NUP133: variants seen among roughly 807,000 people sequenced by gnomAD.
NUP133 encodes nuclear pore complex protein Nup133.
NUP133 carries 66 observed loss-of-function variants against 146.2 expected under a neutral mutation model. The ratio of observed to expected loss-of-function variants is 0.45; its 90% CI spans 0.37 to 0.55. The LOEUF is 0.55. Among genes scored for constraint, NUP133 ranks in the 20% least tolerant of loss-of-function variants. The probability of loss-of-function intolerance (pLI) is 0.00; values close to 1 mark genes in which losing one functional copy is unlikely to be tolerated. For missense variants in NUP133, 1,277 were observed against 1,374.8 expected, an observed-to-expected ratio of 0.93 and a Z score of 1.12; for synonymous variants, 521 against 498.8, an observed-to-expected ratio of 1.04 and a Z score of -0.59.
intron 8 of NUP133, among the ~76,000 whole-genome samples, chr1:229,490,571 G>A (rs901416346): frequency 4.6e-5 from 7 of 152,152 alleles, no homozygotes; most frequent in African/African-American, 1.2e-4. Flanking sequence ...GAGGATGGAG[G>A]GGTCGATTAC....
In NUP133 at chr1:229,508,086, C is replaced by G. The variant is rs749908782; in HGVS notation, c.164G>C (p.Arg55Pro). The G allele has an allele frequency of 2.0e-6, 3 of 1,503,794 alleles. No individual in the cohort carries two copies. The South Asian group carries it at 3.8e-5, about 19-fold the overall frequency. The allele number at this position is 1,503,794 out of a possible 1,614,324, so 93.2% of individuals were successfully genotyped here. A position where few individuals can be genotyped will look rare whatever the true frequency, so the allele number is the denominator to read the frequency against. Reference sequence around the variant, plus strand: ...CACTTACCGCGAGCTTAGCGAGCTACGCCGGCCGACCGGCGAGAAGAGCAC... The same window carrying G: ...CACTTACCGCGAGCTTAGCGAGCTAGGCCGGCCGACCGGCGAGAAGAGCAC... ...SPVLFSPVGR[R>P]SSLSSRGTPT... Residue 55 changes from arginine to proline, a missense_variant, in exon 1 of 26, where the codon CGT becomes CCT. Physicochemically the swap from Arg to Pro is moderately radical, Grantham distance 103. This residue lies in a region of NUP133 where 319 missense variants were observed against 306.9 expected (regional missense o/e 1.04). Coordinates refer to ENST00000261396, the MANE Select transcript of NUP133 (RefSeq NM_018230.3).
At chr1:229,449,875 T>TA (rs1558088585) in intron 23 of NUP133, among the ~76,000 whole-genome samples, 1,391 of 63,796 alleles carry the variant, frequency 0.022, 85 homozygotes, top group Admixed American at 0.15. Flanking sequence ...ATATATATAT[T>TA]TTTTTTTTTT....
Position 229,470,625 on chromosome 1 carries a change from A to G in NUP133, c.2031T>C (p.Tyr677=), listed in dbSNP as rs755479809. The change falls in exon 15 of 26, where the codon TAT becomes TAC. Residue 677 remains tyrosine (Y), a synonymous_variant. Transcript: ENST00000261396. ...AILIALNKRE[Y]EIPSNLTPAD... ...CAGGAGTCAGGTTGGATGGGATTTC[A>G]TACTCCCTCTTGTTCAAAGCAATCA... 5 of 1,614,082 alleles carry G rather than the reference A, an allele frequency of 3.1e-6. No homozygotes were observed. The Admixed American group carries it at 6.7e-5, about 22-fold the overall frequency.
chr1:229,486,566 A>C, intron 10 of NUP133, 38 bp from the exon 11 acceptor site: 1 of 1,569,428 alleles, frequency 6.4e-7, no homozygotes, highest in South Asian at 1.2e-5. Flanking sequence ...ACATCTAACA[A>C]TAACAACAAA....
At chr1:229,488,162 AAAATT>A (rs1661408969) in intron 9 of NUP133, among the ~76,000 whole-genome samples, 1 of 152,170 alleles carries the variant, frequency 6.6e-6, no homozygotes, top group African/African-American at 2.4e-5. Flanking sequence ...GTTAATTTCC[AAAATT>A]AACAAATTTG....
At chr1:229,442,201 C>T (rs1180308029) in intron 25 of NUP133, among the ~76,000 whole-genome samples, 161 bp from the exon 26 acceptor site, 1 of 152,240 alleles carries the variant, frequency 6.6e-6, no homozygotes, top group Non-Finnish European at 1.5e-5. Flanking sequence ...GTCAAACATA[C>T]TTTCAAGTCT....
intron 21 of NUP133, among the ~76,000 whole-genome samples, chr1:229,454,233 C>T (rs116549052): frequency 6.6e-6 from 1 of 152,300 alleles, no homozygotes; most frequent in African/African-American, 2.4e-5. Flanking sequence ...CTCCAGGTTG[C>T]AGCCCATGAC....
Position 229,440,476 on chromosome 1 carries a change from TC to T in NUP133, c.*1427del, listed in dbSNP as rs1427971411. 1.3e-5 allele frequency: 2 copies of T among 152,168 alleles called. No individual in the cohort carries two copies. The highest frequency in any genetic ancestry group is 4.8e-5 in the African/African-American group (2 of 41,410). 9.4% of individuals were successfully genotyped at this position (152,168 alleles called of 1,614,324 possible). On this transcript the variant is annotated 3_prime_UTR_variant, in exon 26 of 26. Transcript: ENST00000261396. ...TCAGATGGGCTTTCCTGCGGTACTG[TC>T]CCATACACCAGGGATCACCAGGTTT...
At chr1:229,498,530 G>A (rs886679280) in intron 5 of NUP133, among the ~76,000 whole-genome samples, 1 of 152,124 alleles carries the variant, frequency 6.6e-6, no homozygotes, top group Non-Finnish European at 1.5e-5. Flanking sequence ...GGCCAGGCAT[G>A]GTGGCTCACA....
intron 5 of NUP133, among the ~76,000 whole-genome samples, chr1:229,499,428 C>T (rs113227773): frequency 3.9e-5 from 6 of 152,186 alleles, no homozygotes; most frequent in African/African-American, 1.2e-4. Context: ...GATCCCTCCC[C>T]GGCCTCTATA....
rs188472198 is a variant in NUP133, at chr1:229,477,816, C to T, written c.1593-56G>A. 1.7e-4 allele frequency: 232 copies of T among 1,389,374 alleles called. 2 individuals are homozygous for T. The Middle Eastern group carries it at 4.6e-3, about 27-fold the overall frequency. 86.1% of individuals were successfully genotyped at this position (1,389,374 alleles called of 1,614,324 possible). ...AGGGAGGCAAAATATTTTCAAAACT[C>T]ACCAAGAAAAAATTAATTATGGACT... On this transcript the variant is annotated intron_variant, in intron 12 of 25. Transcript: ENST00000261396.
At chr1:229,472,701 A>AATATATAT (rs762131305) in intron 14 of NUP133, among the ~76,000 whole-genome samples, 28 of 103,154 alleles carry the variant, frequency 2.7e-4, no homozygotes, top group African/African-American at 4.9e-4. Flanking sequence ...TAAAAAACTA[A>AATATATAT]ATATACATAT....
chr1:229,440,355 G>C lies in NUP133; in HGVS notation c.*1549C>G, dbSNP rs1182687168. On this transcript the variant is annotated 3_prime_UTR_variant, in exon 26 of 26. Transcript: ENST00000261396. ...AACTTAGAGAGAAACAGGATTAAAAGAGGGAGCTTTTTCTTCCCTTGAACA... is the reference window on the plus strand; with the variant it reads ...AACTTAGAGAGAAACAGGATTAAAACAGGGAGCTTTTTCTTCCCTTGAACA... The C allele has an allele frequency of 6.6e-6, 1 of 152,186 alleles. No homozygotes were observed. The highest frequency in any genetic ancestry group is 1.5e-5 in the Non-Finnish European group (1 of 68,040). The allele number at this position is 152,186 out of a possible 1,614,324, so 9.4% of individuals were successfully genotyped here.
chr1:229,496,987 G>GAGGA (rs1239189017), intron 6 of NUP133, among the ~76,000 whole-genome samples: 2 of 152,222 alleles, frequency 1.3e-5, no homozygotes, highest in Non-Finnish European at 2.9e-5. Context: ...TAGTCATGAA[G>GAGGA]AGGAGTGTTA....
chr1:229,444,865 C>A lies in NUP133; in HGVS notation c.3334+49G>T, dbSNP rs746639462. The A allele has an allele frequency of 6.1e-6, 8 of 1,316,636 alleles. No homozygotes were observed. In the African/African-American group the frequency reaches 1.0e-4, roughly 17 times the overall value. The allele number at this position is 1,316,636 out of a possible 1,614,324, so 81.6% of individuals were successfully genotyped here. On this transcript the variant is annotated intron_variant, in intron 25 of 25. Coordinates refer to ENST00000261396, the MANE Select transcript of NUP133 (RefSeq NM_018230.3). The stretch of plus-strand genomic sequence containing the variant: ...CCGTCTCAAAAAAAAACCCAAAAAA[C>A]TGAGGAATGACACTGTAATTTCCAA...
intron 19 of NUP133, 150 bp from the exon 20 acceptor site, chr1:229,460,919 A>G (rs1419457224): frequency 6.2e-6 from 4 of 649,600 alleles, no homozygotes; most frequent in Non-Finnish European, 1.0e-5. Context: ...TAATTCAATC[A>G]TCTCATTTGA....
chr1:229,445,147 A>C, intron 24 of NUP133, 145 bp from the exon 25 acceptor site: 1 of 632,768 alleles, frequency 1.6e-6, no homozygotes, highest in Non-Finnish European at 2.8e-6. Context: ...TCATTTAAAT[A>C]AAGGCACTTT....
At position 229,508,311 on chromosome 1, in the gene NUP133, G is replaced by A. The variant is rs554082791; in HGVS notation, c.-62C>T. The A allele has an allele frequency of 4.9e-5, 63 of 1,285,370 alleles. No individual in the cohort carries two copies. The African/African-American group carries it at 9.4e-4, about 19-fold the overall frequency. 79.6% of individuals were successfully genotyped at this position (1,285,370 alleles called of 1,614,324 possible). On this transcript the variant is annotated 5_prime_UTR_variant, in exon 1 of 26. Transcript: ENST00000261396. Reference sequence around the variant, plus strand: ...TGGCCGTCAGGTTGCAGCCTGGCCTGCGCGCGGAACTTAAACACCTAAGGG... The same window carrying A: ...TGGCCGTCAGGTTGCAGCCTGGCCTACGCGCGGAACTTAAACACCTAAGGG...
At chr1:229,452,698 C>G in intron 21 of NUP133, 55 bp from the exon 22 acceptor site, 1 of 1,393,792 alleles carries the variant, frequency 7.2e-7, no homozygotes, top group Non-Finnish European at 9.9e-7. Flanking sequence ...TTGACTTTTG[C>G]TCTCATTTTT....
Sources: allele counts gnomAD v4.1 joint callset (sites outside exome capture counted in the v4.1 genomes callset), GRCh38; gene constraint gnomAD v4.1.1; regional missense constraint gnomAD v4.1.1; transcripts MANE v1.5; gene names NCBI Gene and HGNC (gene_info 2026-07-23, HGNC 2026-07-21).